VAV2: variants seen among roughly 807,000 people sequenced by gnomAD.
The protein encoded by VAV2 is guanine nucleotide exchange factor VAV2.
A neutral mutation model predicts 132.5 loss-of-function variants in VAV2; 67 were observed. The ratio of observed to expected loss-of-function variants is 0.51; its 90% confidence interval spans 0.42 to 0.62. The LOEUF is 0.62. VAV2 is among the 20% of genes least tolerant of loss of function. VAV2 has a pLI of 0.00. For synonymous variants in VAV2, 492 were observed against 443.5 expected (o/e 1.11, Z -1.37); for missense variants, 938 against 1,153.6 (o/e 0.81, Z 2.71).
chr9:133,796,615 A>C lies in VAV2; in HGVS notation c.937-91T>G. Reference sequence around the variant, plus strand: ...CCCCGCCCACAGAGAGGGGAGACCTAAGCCCAGAACTCAGGCCCAGACGTT... The same window carrying C: ...CCCCGCCCACAGAGAGGGGAGACCTCAGCCCAGAACTCAGGCCCAGACGTT... On this transcript the variant is annotated intron_variant, in intron 10 of 29. Transcript: ENST00000371850. 3.3e-6 allele frequency: 4 copies of C among 1,208,424 alleles called. No individual in the cohort carries two copies. In the South Asian group the frequency reaches 5.6e-5, roughly 17 times the overall value. 74.9% of individuals were successfully genotyped at this position (1,208,424 alleles called of 1,614,324 possible). A position where few individuals can be genotyped will look rare whatever the true frequency, so the allele number is the denominator to read the frequency against.
At chr9:133,851,337 G>C (rs893422524) in intron 3 of VAV2, among the ~76,000 whole-genome samples, 5 of 152,114 alleles carry the variant, frequency 3.3e-5, no homozygotes, top group Admixed American at 3.3e-4. Flanking sequence ...TCAGCTTTTG[G>C]ACCCACTGTG....
chr9:133,892,477 G>A lies in VAV2; in HGVS notation c.322-31045C>T, dbSNP rs539487569. Among the ~76,000 whole-genome samples, 32 of 152,094 alleles carry A rather than the reference G, an allele frequency of 2.1e-4. 1 individual carries two copies. The South Asian group carries it at 2.3e-3, about 11-fold the overall frequency. On this transcript the variant is annotated intron_variant, in intron 2 of 29. Transcript: ENST00000371850. Reference sequence around the variant, plus strand: ...CACCTCTGTCTATAAGCACACTGGGGAGGAGACAGAATTAAGTCACTTGGC... The same window carrying A: ...CACCTCTGTCTATAAGCACACTGGGAAGGAGACAGAATTAAGTCACTTGGC...
At chr9:133,914,086 C>T (rs1205647602) in intron 2 of VAV2, among the ~76,000 whole-genome samples, 7 of 152,232 alleles carry the variant, frequency 4.6e-5, no homozygotes, top group Admixed American at 4.6e-4. Flanking sequence ...AGACCCTAAG[C>T]CCCAGGAGGT....
rs1330788938 is a variant in VAV2 at position 133,969,974 on chromosome 9, C to A, written c.204+22101G>T. Among the ~76,000 whole-genome samples the A allele has an allele frequency of 6.6e-6, 1 of 152,174 alleles. No homozygotes were observed. The highest frequency in any genetic ancestry group is 1.9e-4 in the East Asian group (1 of 5,190). ...GAAGCCGGCCCTGCCTCCCTGCAGC[C>A]TTCAAGGCAGTGACTCAGAGTTCCT... is the stretch of plus-strand genomic sequence containing the variant. On this transcript the variant is annotated intron_variant, in intron 1 of 29. Transcript: ENST00000371850. This position sits in a 1 kb window ranked among gnomAD's most constrained non-coding sequence, Gnocchi z 5.1.
rs149283769 is a variant in VAV2, at chr9:133,777,514, G to C, written c.1891-51C>G. On this transcript the variant is annotated intron_variant, in intron 22 of 29. Coordinates refer to ENST00000371850, the MANE Select transcript of VAV2 (RefSeq NM_001134398.2). ...ACAAGGGGGCCGAGCCTGGCCTATG[G>C]GAGTGTGGGGCCATTTAGACGGACT... 2.2e-4 allele frequency: 350 copies of C among 1,560,368 alleles called. No homozygotes were observed. The East Asian group carries it at 7.3e-3, about 33-fold the overall frequency.
chr9:133,845,435 G>A (rs749423470), intron 3 of VAV2, among the ~76,000 whole-genome samples: 6 of 152,224 alleles, frequency 3.9e-5, no homozygotes, highest in Non-Finnish European at 7.3e-5. Flanking sequence ...GCCGCACTGG[G>A]GGTTCTCTGC....
At chr9:133,940,714 A>T (rs901762882) in intron 1 of VAV2, among the ~76,000 whole-genome samples, 3 of 117,516 alleles carry the variant, frequency 2.6e-5, no homozygotes, top group Non-Finnish European at 3.9e-5. Context: ...TGTGTTTCTG[A>T]ACACTCGAGA....
At chr9:133,848,025 C>G (rs2131829214) in intron 3 of VAV2, among the ~76,000 whole-genome samples, 1 of 152,288 alleles carries the variant, frequency 6.6e-6, no homozygotes, top group East Asian at 1.9e-4. Context: ...CGCCTGTAAT[C>G]CCAGCACTTT....
In VAV2 at chr9:133,855,034, G is replaced by C. The variant is rs142327383; in HGVS notation, c.380+6340C>G. On this transcript the variant is annotated intron_variant, in intron 3 of 29. Transcript: ENST00000371850. The stretch of plus-strand genomic sequence containing the variant: ...AAGCAGGCAACACCAGATGGGAAAA[G>C]GGACACCAGCCCAGATGGAAGAAAA... Among the ~76,000 whole-genome samples the C allele has an allele frequency of 1.7e-3, 265 of 151,812 alleles. 1 individual carries two copies. The highest frequency in any genetic ancestry group is 2.5e-3 in the Non-Finnish European group (172 of 68,016).
chr9:133,774,859 C>T (rs537128145), intron 25 of VAV2, 76 bp downstream of exon 25: 19 of 1,308,658 alleles, frequency 1.5e-5, no homozygotes, highest in African/African-American at 5.9e-5. Flanking sequence ...GAGCTCAGGA[C>T]GTGGAGAGGA....
intron 3 of VAV2, among the ~76,000 whole-genome samples, chr9:133,858,390 CACACA>C (rs1837465710): frequency 6.6e-6 from 1 of 152,210 alleles, no homozygotes; most frequent in Non-Finnish European, 1.5e-5. Context: ...TGCCGACTGT[CACACA>C]CCATTGCTGG....
rs1186913187 is a variant in VAV2, at chr9:133,824,776, G to A, written c.449+9496C>T. 3.3e-5 allele frequency among the ~76,000 whole-genome samples: 5 copies of A among 152,190 alleles called. No individual in the cohort carries two copies. The highest frequency in any genetic ancestry group is 6.5e-5 in the Admixed American group (1 of 15,284). On this transcript the variant is annotated intron_variant, in intron 4 of 29. Transcript: ENST00000371850. The surrounding 1 kb of genome is among the most constrained non-coding windows in gnomAD (Gnocchi z 5.2). ...TCTGACAATGACCCTTGGAGAGACA[G>A]AGCTGGGCTCAAATTGCAGCTCTGC...
chr9:133,768,641 C>A lies in VAV2; in HGVS notation c.2435-45G>T. 1.3e-6 allele frequency: 2 copies of A among 1,592,232 alleles called. No individual in the cohort carries two copies. Among genetic ancestry groups the A allele is most frequent in the Non-Finnish European group, 8.5e-7 (1 of 1,169,808 alleles). On this transcript the variant is annotated intron_variant, in intron 28 of 29. Transcript: ENST00000371850. The surrounding 1 kb of genome is among the most constrained non-coding windows in gnomAD (Gnocchi z 5.3). ...GCATCACACAGCTGCAGGAGGAGCC[C>A]AACCAGTGATCCAGGAGGCCCTTGG...
At chr9:133,838,457 AGGTGGGTGGGTGGGTGGGT>A (rs1192835167) in intron 3 of VAV2, among the ~76,000 whole-genome samples, 1 of 73,898 alleles carries the variant, frequency 1.4e-5, no homozygotes, top group Admixed American at 1.4e-4. Context: ...GTGGGTAAGT[AGGTGGGTGGGTGGGTGGGT>A]GGATGGGTGG....
intron 1 of VAV2, among the ~76,000 whole-genome samples, chr9:133,967,553 GAAA>G (rs771441300): frequency 9.9e-5 from 15 of 152,278 alleles, no homozygotes; most frequent in Admixed American, 6.5e-4. Flanking sequence ...ATTCAGCCAT[GAAA>G]AAGAATAAAA....
intron 1 of VAV2, 171 bp from the exon 2 acceptor site, chr9:133,939,390 G>A (rs1841050105): frequency 1.2e-5 from 8 of 665,674 alleles, no homozygotes; most frequent in Admixed American, 2.4e-5. Flanking sequence ...GAAACCCCCC[G>A]TCCCAAGGCT....
chr9:133,870,262 G>C (rs1455200071), intron 2 of VAV2, among the ~76,000 whole-genome samples: 1 of 152,190 alleles, frequency 6.6e-6, no homozygotes. Context: ...GGCCGGCAGA[G>C]TGCAGGAAGA....
intron 1 of VAV2, among the ~76,000 whole-genome samples, chr9:133,980,075 C>T (rs556288712): frequency 2.6e-5 from 4 of 152,332 alleles, no homozygotes; most frequent in Admixed American, 2.6e-4. Flanking sequence ...ACCAGCCACC[C>T]GGGAGCAGGA....
At position 133,918,696 on chromosome 9, in the gene VAV2, G is replaced by C. The variant is rs1055672775; in HGVS notation, c.321+20407C>G. The stretch of plus-strand genomic sequence containing the variant: ...GCAGACCTCAAATCCAGGCCCATCT[G>C]AGTCCAAAAGTCCCATTCTCAACCC... On this transcript the variant is annotated intron_variant, in intron 2 of 29. Transcript: ENST00000371850. The surrounding 1 kb of genome is among the most constrained non-coding windows in gnomAD (Gnocchi z 4.7). Among the ~76,000 whole-genome samples, 3 of 152,044 alleles carry C rather than the reference G, an allele frequency of 2.0e-5. No individual in the cohort carries two copies. Among genetic ancestry groups the C allele is most frequent in the African/African-American group, 7.2e-5 (3 of 41,382 alleles).
Sources: gnomAD v4.1 joint callset for allele counts (sites outside exome capture counted in the v4.1 genomes callset) on GRCh38, gnomAD v4.1.1 for gene constraint, Gnocchi (gnomAD v3.1) non-coding constraint, MANE v1.5 for transcripts, NCBI Gene and HGNC (gene_info 2026-07-23, HGNC 2026-07-21) for gene names.